Variants in ARMC8 observed in about 807,000 individuals in gnomAD.
ARMC8 encodes the protein armadillo repeat containing 8, also known as armadillo repeat-containing protein 8.
Under a neutral mutation model 99.3 loss-of-function variants are expected in ARMC8, and 20 were observed. The observed-to-expected ratio is 0.20, with a 90% CI of 0.14 to 0.29. The LOEUF is 0.29. Ranked by LOEUF, ARMC8 falls within the 10% of genes least tolerant of loss-of-function variation. The pLI is 1.00. For missense variants in ARMC8, 569 were observed against 809.5 expected (o/e 0.70, Z 3.60); for synonymous variants, 263 against 278.3 (o/e 0.95, Z 0.55).
intron 3 of ARMC8, among the ~76,000 whole-genome samples, chr3:138,222,508 C>T (rs77187031): frequency 0.026 from 4,030 of 152,204 alleles, 172 homozygotes; most frequent in African/African-American, 0.091. Context: ...AATAAGCTTC[C>T]TTTAGGCAGG....
intron 19 of ARMC8, chr3:138,288,056 A>C (rs1025784908): frequency 6.3e-6 from 1 of 158,480 alleles, no homozygotes; most frequent in Admixed American, 6.2e-5. Context: ...TGAGAAATCA[A>C]CTAGCGATTT....
chr3:138,270,062 T>C lies in ARMC8; in HGVS notation c.1409T>C (p.Val470Ala), dbSNP rs371861172. The change falls in exon 16 of 22, where the codon GTA becomes GCA. Residue 470 changes from valine to alanine, a missense_variant. Around this residue, in one of 2 missense-constraint regions of ARMC8, gnomAD observed 227 missense variants for 417.9 expected, o/e 0.54. Transcript: ENST00000469044. ...CAGCCAATTTTGGAATCAGGAGCCG[T>C]AGAGCTACTTTGTGGATTAACTCAG... ...SKEPILESGA[V>A]ELLCGLTQSE... The C allele has an allele frequency of 6.2e-7, 1 of 1,613,390 alleles. No homozygotes were observed. Among genetic ancestry groups the C allele is most frequent in the Non-Finnish European group, 8.5e-7 (1 of 1,179,660 alleles).
At chr3:138,237,723 T>C (rs2046403894) in intron 9 of ARMC8, 151 bp downstream of exon 9, 4 of 621,902 alleles carry the variant, frequency 6.4e-6, no homozygotes, top group South Asian at 2.2e-5. Flanking sequence ...TTTTCTTAAA[T>C]GGATGTGAGT....
At chr3:138,191,480 A>T (rs1478629675) in intron 1 of ARMC8, among the ~76,000 whole-genome samples, 1 of 152,222 alleles carries the variant, frequency 6.6e-6, no homozygotes, top group East Asian at 1.9e-4. Context: ...TTATATAGTT[A>T]CATTATAGTA....
At chr3:138,256,535 C>G (rs1281273733) in intron 12 of ARMC8, among the ~76,000 whole-genome samples, 1 of 151,510 alleles carries the variant, frequency 6.6e-6, no homozygotes, top group East Asian at 1.9e-4. Flanking sequence ...CTCAGCTTCC[C>G]GAGTAGCTGA....
At position 138,245,756 on chromosome 3, in the gene ARMC8, A is replaced by G. The variant is rs1023304672; in HGVS notation, c.1134+573A>G. 2.1e-5 allele frequency: 21 copies of G among 987,326 alleles called. No homozygotes were observed. In the African/African-American group the frequency reaches 3.3e-4, roughly 16 times the overall value. The allele number at this position is 987,326 out of a possible 1,614,324, so 61.2% of individuals were successfully genotyped here. A position where few individuals can be genotyped will look rare whatever the true frequency, so the allele number is the denominator to read the frequency against. On this transcript the variant is annotated intron_variant, in intron 12 of 21. Transcript: ENST00000469044. ...ATGTATGCACTGGTATAGCACCCTTATGTTACTAAAGCCTAGTCTAACACT... is the reference window on the plus strand; with the variant it reads ...ATGTATGCACTGGTATAGCACCCTTGTGTTACTAAAGCCTAGTCTAACACT...
intron 2 of ARMC8, among the ~76,000 whole-genome samples, chr3:138,210,444 C>T (rs1035833587): frequency 3.3e-5 from 5 of 152,110 alleles, no homozygotes; most frequent in Admixed American, 3.3e-4. Context: ...GGTAATTATG[C>T]TCTTAAAAAA....
intron 12 of ARMC8, 56 bp downstream of exon 12, chr3:138,245,239 C>CGTCAACCTGAAA: frequency 6.2e-7 from 1 of 1,614,074 alleles, no homozygotes; most frequent in Non-Finnish European, 8.5e-7. Flanking sequence ...CAGGGAGTGA[C>CGTCAACCTGAAA]GTCAACCTGA....
At position 138,255,437 on chromosome 3, in the gene ARMC8, T is replaced by C. The variant is rs139938357; in HGVS notation, c.1135-8302T>C. 1.7e-3 allele frequency among the ~76,000 whole-genome samples: 263 copies of C among 151,962 alleles called. 1 individual carries two copies. Among genetic ancestry groups the C allele is most frequent in the African/African-American group, 5.7e-3 (237 of 41,478 alleles). ...CAGGACAGTCTCGATCTCCTGACCT[T>C]GTGATCCGCCCGCCTTGGCCTCCCA... On this transcript the variant is annotated intron_variant, in intron 12 of 21. Transcript: ENST00000469044.
chr3:138,272,885 A>C (rs2048927893), intron 16 of ARMC8, 82 bp from the exon 17 acceptor site: 1 of 1,245,772 alleles, frequency 8.0e-7, no homozygotes, highest in Non-Finnish European at 1.1e-6. Flanking sequence ...AAAATAAAAA[A>C]AAATTACCAG....
intron 7 of ARMC8, 81 bp downstream of exon 7, chr3:138,235,195 C>T: frequency 9.3e-6 from 9 of 971,528 alleles, no homozygotes; most frequent in Non-Finnish European, 1.4e-5. Context: ...TTTATTGTTT[C>T]TTTGATAATT....
chr3:138,264,670 G>C (rs1355991733), intron 14 of ARMC8, among the ~76,000 whole-genome samples: 2 of 151,532 alleles, frequency 1.3e-5, no homozygotes, highest in Admixed American at 1.3e-4. Context: ...TGCCCGCCTC[G>C]GCCCTCCAAA....
chr3:138,248,832 C>G (rs535477947), intron 12 of ARMC8, among the ~76,000 whole-genome samples: 6 of 152,230 alleles, frequency 3.9e-5, no homozygotes, highest in African/African-American at 1.4e-4. Context: ...GTATACTAAC[C>G]AGGATGTTGG....
intron 18 of ARMC8, among the ~76,000 whole-genome samples, chr3:138,278,406 A>G (rs993266220): frequency 6.6e-6 from 1 of 152,064 alleles, no homozygotes; most frequent in Non-Finnish European, 1.5e-5. Flanking sequence ...CGGGAGGCTG[A>G]GGCAGGAGAA....
intron 16 of ARMC8, among the ~76,000 whole-genome samples, chr3:138,271,976 G>A (rs2048847841): frequency 6.6e-6 from 1 of 151,902 alleles, no homozygotes; most frequent in South Asian, 2.1e-4. Flanking sequence ...AGAGATTTTT[G>A]TATCAAAAGT....
At chr3:138,220,693 CT>C (rs1198710255) in intron 2 of ARMC8, among the ~76,000 whole-genome samples, 176 of 139,590 alleles carry the variant, frequency 1.3e-3, no homozygotes, top group Admixed American at 1.6e-3. Context: ...ATTTTTTTTT[CT>C]TTTTTTTTTT....
At chr3:138,244,397 C>A (rs1194386289) in intron 11 of ARMC8, among the ~76,000 whole-genome samples, 1 of 152,148 alleles carries the variant, frequency 6.6e-6, no homozygotes, top group Non-Finnish European at 1.5e-5. Context: ...CCCGCCTCAG[C>A]CTCCCAAGTA....
At chr3:138,288,268 C>G (rs1371876219) in intron 19 of ARMC8, among the ~76,000 whole-genome samples, 1 of 152,126 alleles carries the variant, frequency 6.6e-6, no homozygotes, top group African/African-American at 2.4e-5. Context: ...AATTATTGGG[C>G]CATTTGAATA....
At chr3:138,195,455 C>G (rs1230986241) in intron 1 of ARMC8, among the ~76,000 whole-genome samples, 1 of 152,134 alleles carries the variant, frequency 6.6e-6, no homozygotes, top group Non-Finnish European at 1.5e-5. Flanking sequence ...AGTGCATGTT[C>G]AGGAAGTCTT....
Sources: gnomAD v4.1 joint callset for allele counts (sites outside exome capture counted in the v4.1 genomes callset) on GRCh38, gnomAD v4.1.1 for gene constraint, gnomAD v4.1.1 regional missense constraint, MANE v1.5 for transcripts, NCBI Gene and HGNC (gene_info 2026-07-23, HGNC 2026-07-21) for gene names.